The following RARB variants were observed in gnomAD, a reference collection of about 807,000 sequenced individuals.
RARB encodes HBV-activated protein.
Under a neutral mutation model 51.9 loss-of-function variants are expected in RARB, and 17 were observed. The observed-to-expected ratio is 0.33, with a 90% CI of 0.22 to 0.49. The LOEUF (loss-of-function observed/expected upper bound fraction) is 0.49. RARB is among the 20% of genes least tolerant of loss of function. The probability of loss-of-function intolerance (pLI) is 0.99; values close to 1 mark genes in which losing one functional copy is unlikely to be tolerated. For missense variants in RARB, 369 were observed against 550.8 expected (o/e 0.67, Z 3.30); for synonymous variants, 215 against 195.4 (o/e 1.10, Z -0.84).
At chr3:25,071,591 C>T (rs1249939164) in intron 3 of RARB, among the ~76,000 whole-genome samples, 1 of 152,116 alleles carries the variant, frequency 6.6e-6, no homozygotes, top group Non-Finnish European at 1.5e-5. Context: ...CTGTCTAGAC[C>T]ACAAGGTTAT....
intron 1 of RARB, 109 bp from the exon 2 acceptor site, chr3:25,461,084 A>G (rs1575425710): frequency 1.3e-5 from 16 of 1,267,418 alleles, no homozygotes; most frequent in Non-Finnish European, 1.6e-5. Context: ...CATTCTTGCT[A>G]GTGTTATTGC....
intron 2 of RARB, among the ~76,000 whole-genome samples, chr3:25,499,620 A>G (rs1244114971): frequency 1.3e-5 from 2 of 151,474 alleles, no homozygotes; most frequent in Non-Finnish European, 2.9e-5. Context: ...TCAAAATGTG[A>G]TTTTCAAAAA....
chr3:25,254,376 T>C lies in RARB; in HGVS notation c.178+79801T>C, dbSNP rs569156663. Among the ~76,000 whole-genome samples, 11 of 152,334 alleles carry C rather than the reference T, an allele frequency of 7.2e-5. 1 individual carries two copies. Among genetic ancestry groups the C allele is most frequent in the African/African-American group, 2.6e-4 (11 of 41,586 alleles). ...TAATTTAGTCTTGGAGTTTCTGTAT[T>C]ACTAATTGATTTCTTGAAAGTTGAG... On this transcript the variant is annotated intron_variant, in intron 5 of 11. Transcript: ENST00000383772.
intron 2 of RARB, among the ~76,000 whole-genome samples, chr3:24,905,590 A>G (rs1174104972): frequency 6.6e-6 from 1 of 152,252 alleles, no homozygotes; most frequent in Non-Finnish European, 1.5e-5. Flanking sequence ...GATTTAAAAA[A>G]GGAAAAGGAT....
At chr3:25,182,493 C>T (rs192487615) in intron 5 of RARB, among the ~76,000 whole-genome samples, 2 of 152,192 alleles carry the variant, frequency 1.3e-5, no homozygotes, top group African/African-American at 2.4e-5. Flanking sequence ...GCCAATGTAG[C>T]CAATGTCCCC....
At chr3:24,958,347 T>A (rs1023332953) in intron 2 of RARB, among the ~76,000 whole-genome samples, 2 of 144,822 alleles carry the variant, frequency 1.4e-5, no homozygotes, top group Non-Finnish European at 3.0e-5. Flanking sequence ...AAACTCATTC[T>A]CCTTATATGC....
chr3:24,879,239 C>G (rs1165108740), intron 2 of RARB, among the ~76,000 whole-genome samples: 1 of 151,472 alleles, frequency 6.6e-6, no homozygotes, highest in Non-Finnish European at 1.5e-5. Flanking sequence ...ACCATCCTGG[C>G]TAACACAGTG....
chr3:25,544,510 G>A (rs116395021), intron 3 of RARB, among the ~76,000 whole-genome samples: 498 of 152,320 alleles, frequency 3.3e-3, no homozygotes, highest in African/African-American at 0.01. Flanking sequence ...GGTTACTTCA[G>A]TTAGTTCATC....
chr3:24,981,479 A>C (rs1370345816), intron 2 of RARB, among the ~76,000 whole-genome samples: 1 of 151,956 alleles, frequency 6.6e-6, no homozygotes, highest in Admixed American at 6.6e-5. Context: ...ATAACTGCCT[A>C]CTCAAGCCTC....
chr3:25,037,239 T>C (rs1698016101), intron 2 of RARB, among the ~76,000 whole-genome samples: 1 of 151,356 alleles, frequency 6.6e-6, no homozygotes. Flanking sequence ...TTAAAGCACG[T>C]TTTAAAGGAA....
chr3:24,884,104 T>G (rs2885597), intron 2 of RARB, among the ~76,000 whole-genome samples: 111,794 of 152,018 alleles, frequency 0.74, 42,148 homozygotes, highest in African/African-American at 0.88. Flanking sequence ...ATAAAACACT[T>G]CAAAAAATGT....
At chr3:25,042,649 T>C (rs1698136226) in intron 2 of RARB, among the ~76,000 whole-genome samples, 1 of 152,218 alleles carries the variant, frequency 6.6e-6, no homozygotes, top group Non-Finnish European at 1.5e-5. Context: ...TGCCACTTGA[T>C]GGGCACTGAA....
At chr3:25,037,369 G>GT (rs1489889813) in intron 2 of RARB, among the ~76,000 whole-genome samples, 1 of 152,054 alleles carries the variant, frequency 6.6e-6, no homozygotes, top group African/African-American at 2.4e-5. Flanking sequence ...CAAACATGGG[G>GT]TGGAGGGAGG....
chr3:25,503,900 A>T (rs1342391110), intron 3 of RARB, among the ~76,000 whole-genome samples: 6 of 152,232 alleles, frequency 3.9e-5, no homozygotes, highest in Non-Finnish European at 8.8e-5. Context: ...ACGTACAAGT[A>T]CACTAGGACT....
chr3:25,256,614 G>T (rs901268358), intron 5 of RARB, among the ~76,000 whole-genome samples: 1 of 152,020 alleles, frequency 6.6e-6, no homozygotes, highest in African/African-American at 2.4e-5. Flanking sequence ...ATTTTTATTT[G>T]AGCAAATATA....
chr3:24,869,914 A>G (rs1702916257), intron 2 of RARB, among the ~76,000 whole-genome samples: 1 of 151,926 alleles, frequency 6.6e-6, no homozygotes, highest in East Asian at 1.9e-4. Flanking sequence ...TCAGCCTTTT[A>G]TATTGTGAAA....
intron 2 of RARB, among the ~76,000 whole-genome samples, chr3:24,946,215 G>A (rs1294480957): frequency 6.7e-6 from 1 of 149,256 alleles, no homozygotes; most frequent in Non-Finnish European, 1.5e-5. Flanking sequence ...AGTGAGCCGA[G>A]GTCACACCAC....
At chr3:24,955,734 G>A (rs899829406) in intron 2 of RARB, among the ~76,000 whole-genome samples, 2 of 151,896 alleles carry the variant, frequency 1.3e-5, no homozygotes, top group African/African-American at 2.4e-5. Flanking sequence ...AATTTTTTTC[G>A]GGAGCAATAA....
chr3:24,898,116 C>G (rs561055941), intron 2 of RARB, among the ~76,000 whole-genome samples: 1 of 152,058 alleles, frequency 6.6e-6, no homozygotes, highest in Non-Finnish European at 1.5e-5. Context: ...AGTTAGGAGT[C>G]AAGCCCGGAG....
Sources: allele counts gnomAD v4.1 joint callset (sites outside exome capture counted in the v4.1 genomes callset), GRCh38; gene constraint gnomAD v4.1.1; transcripts MANE v1.5; gene names NCBI Gene and HGNC (gene_info 2026-07-23, HGNC 2026-07-21).